TRPV4: variants seen among roughly 807,000 people sequenced by gnomAD.
The protein encoded by TRPV4 is OSM9-like transient receptor potential channel 4.
TRPV4 carries 58 observed loss-of-function variants against 84.1 expected under a neutral mutation model. The observed-to-expected ratio is 0.69, with a 90% CI of 0.56 to 0.86. TRPV4 has a LOEUF of 0.86. TRPV4 is among the 40% of genes least tolerant of loss of function. The pLI, the probability that TRPV4 is intolerant of heterozygous loss-of-function variation, is 0.00. For synonymous variants in TRPV4, 489 were observed against 500.9 expected, an observed-to-expected ratio of 0.98 and a Z score of 0.32; for missense variants, 879 against 1,181.1, an observed-to-expected ratio of 0.74 and a Z score of 3.75.
In TRPV4 at chr12:109,783,970, A is replaced by T. The variant is rs977678768; in HGVS notation, c.2459-192T>A. On this transcript the variant is annotated intron_variant, in intron 15 of 15. Coordinates refer to ENST00000261740, the MANE Select transcript of TRPV4 (RefSeq NM_021625.5). The surrounding 1 kb of genome is among the most constrained non-coding windows in gnomAD (Gnocchi z 4.6). ...CTCCCCAGGAGAGAATGGAGGAACC[A>T]GGATTCAAGCCTGGAGCCGAATGCC... 6.6e-6 allele frequency among the ~76,000 whole-genome samples: 1 copy of T among 152,210 alleles called. No homozygotes were observed. Among genetic ancestry groups the T allele is most frequent in the Non-Finnish European group, 1.5e-5 (1 of 68,048 alleles).
rs1253318160 is a variant in TRPV4 at position 109,786,809 on chromosome 12, C to T, written c.2237G>A (p.Arg746His). The change falls in exon 14 of 16, where the codon CGC (arginine) becomes CAC (histidine). Residue 746 changes from arginine to histidine, a missense_variant. Physicochemically the swap from Arg to His is conservative, Grantham distance 29. Transcript: ENST00000261740. The surrounding 1 kb of genome is among the most constrained non-coding windows in gnomAD (Gnocchi z 4.5). ...CTTCCTCAGGAATACGGGGAAGGAG[C>T]GCTCAATGTCCAGGATGGTGGTGGC... ...QWATTILDIE[R>H]SFPVFLRKAF... is the part of the protein sequence containing the mutation. 3 of 1,613,982 alleles carry T rather than the reference C, an allele frequency of 1.9e-6. No homozygotes were observed. The highest frequency in any genetic ancestry group is 2.2e-5 in the East Asian group (1 of 44,882).
chr12:109,797,210 G>A (rs1036978622), intron 6 of TRPV4, among the ~76,000 whole-genome samples: 2 of 152,084 alleles, frequency 1.3e-5, no homozygotes, highest in Non-Finnish European at 2.9e-5. Flanking sequence ...GGAGTGCAGT[G>A]GCGCGATCTC....
rs1211500283 is a variant in TRPV4, at chr12:109,798,700, G to A, written c.1066C>T (p.Leu356Phe). 4 of 1,613,994 alleles carry A rather than the reference G, an allele frequency of 2.5e-6. No individual in the cohort carries two copies. The highest frequency in any genetic ancestry group is 1.1e-5 in the South Asian group (1 of 91,078). Residue 356 changes from leucine (L) to phenylalanine (F), a missense_variant, in exon 6 of 16, where the codon CTC becomes TTC. Leu to Phe is a conservative substitution (Grantham distance 22). Coordinates refer to ENST00000261740, the MANE Select transcript of TRPV4 (RefSeq NM_021625.5). This position sits in a 1 kb window ranked among gnomAD's most constrained non-coding sequence, Gnocchi z 5.0. ...GCCTCCAGGTTGCTGTCGGGGAAGA[G>A]GCGGGCACACTTGAGCAGCAGCAGG... The part of the protein sequence containing the change: ...YDLLLLKCAR[L>F]FPDSNLEAVL...
rs764521991 is a variant in TRPV4, at chr12:109,783,609, G to T, written c.*12C>A. 28 of 1,611,142 alleles carry T rather than the reference G, an allele frequency of 1.7e-5. No individual in the cohort carries two copies. The highest frequency in any genetic ancestry group is 2.0e-5 in the Non-Finnish European group (24 of 1,178,150). ...ATGAGTGGGCAGAGAAGCTGGGGCT[G>T]GGCTGCAGTCCCTAGAGCGGGGCGT... is the stretch of plus-strand genomic sequence containing the variant. On this transcript the variant is annotated 3_prime_UTR_variant, in exon 16 of 16. Coordinates refer to ENST00000261740, the MANE Select transcript of TRPV4 (RefSeq NM_021625.5). The surrounding 1 kb of genome is among the most constrained non-coding windows in gnomAD (Gnocchi z 4.6).
rs764638106 is a variant in TRPV4 at position 109,808,497 on chromosome 12, G to C, written c.387-29C>G. 4 of 1,601,490 alleles carry C rather than the reference G, an allele frequency of 2.5e-6. No individual in the cohort carries two copies. In the African/African-American group the frequency reaches 5.4e-5, roughly 21 times the overall value. ...GAGGAGGTAGGGAGGCAAGTTGATG[G>C]GAGGGCTCATCCCCTGCCTGCCCCA... On this transcript the variant is annotated intron_variant, in intron 2 of 15. Transcript: ENST00000261740.
intron 1 of TRPV4, among the ~76,000 whole-genome samples, chr12:109,827,667 T>C (rs1403729035): frequency 1.3e-5 from 2 of 150,276 alleles, no homozygotes; most frequent in East Asian, 1.9e-4. Context: ...TACACACACA[T>C]ACACACATGC....
At chr12:109,794,147 C>T in intron 8 of TRPV4, 125 bp from the exon 9 acceptor site, 2 of 1,126,642 alleles carry the variant, frequency 1.8e-6, no homozygotes, top group Non-Finnish European at 2.6e-6. Flanking sequence ...CTCTCTTCCT[C>T]CTGAGTCTTC....
At chr12:109,791,916 G>A (rs1328977870) in intron 12 of TRPV4, among the ~76,000 whole-genome samples, 2 of 151,922 alleles carry the variant, frequency 1.3e-5, no homozygotes, top group African/African-American at 4.8e-5. Context: ...AACGTACTTA[G>A]TCTGGTGCCT....
rs1186445597 is a variant in TRPV4, at chr12:109,820,514, C to CTTTTT, written c.-31-5688_-31-5687insAAAAA. Among the ~76,000 whole-genome samples, 83 of 123,124 alleles carry CTTTTT rather than the reference C, an allele frequency of 6.7e-4. 1 individual carries two copies. The highest frequency in any genetic ancestry group is 8.3e-4 in the Non-Finnish European group (50 of 60,392). The allele number at this position is 123,124 out of a possible 152,430, so 80.8% of individuals were successfully genotyped here. ...CTGATCTTCACTTTCTTCAGCTGCC[C>CTTTTT]TATTTTTTTTTTTTTTTTTTTTTTT... On this transcript the variant is annotated intron_variant, in intron 1 of 15. Coordinates refer to ENST00000261740, the MANE Select transcript of TRPV4 (RefSeq NM_021625.5).
At chr12:109,799,311 G>A (rs1017289784) in intron 5 of TRPV4, among the ~76,000 whole-genome samples, 1 of 152,110 alleles carries the variant, frequency 6.6e-6, no homozygotes, top group Non-Finnish European at 1.5e-5. Flanking sequence ...ACCACACCTG[G>A]CTAATTTTTG....
chr12:109,794,984 C>T (rs1890302730), intron 7 of TRPV4, among the ~76,000 whole-genome samples: 1 of 152,212 alleles, frequency 6.6e-6, no homozygotes, highest in African/African-American at 2.4e-5. Context: ...CACTACTGCA[C>T]TCCAGCCTGG....
chr12:109,792,245 A>AG (rs1890089515), intron 12 of TRPV4, 118 bp downstream of exon 12: 1 of 236,040 alleles, frequency 4.2e-6, no homozygotes, highest in African/African-American at 2.5e-5. Context: ...CTCCACCTCA[A>AG]AAAAAAAAAA....
chr12:109,791,065 C>T (rs969643326), intron 12 of TRPV4, among the ~76,000 whole-genome samples: 1 of 152,198 alleles, frequency 6.6e-6, no homozygotes, highest in East Asian at 1.9e-4. Context: ...GCACAGCCAC[C>T]CAGCTGACCC....
chr12:109,791,623 T>C (rs1179637658), intron 12 of TRPV4, among the ~76,000 whole-genome samples: 2 of 150,662 alleles, frequency 1.3e-5, no homozygotes, highest in African/African-American at 2.4e-5. Context: ...GCTGGGTCTA[T>C]AGTTGCGCGC....
intron 14 of TRPV4, among the ~76,000 whole-genome samples, chr12:109,785,850 T>C (rs1001996729): frequency 4.6e-5 from 7 of 151,532 alleles, no homozygotes; most frequent in Admixed American, 6.6e-5. Flanking sequence ...CTGGGCAACA[T>C]AGCAAGAACC....
At chr12:109,829,225 A>C (rs1038093390) in intron 1 of TRPV4, among the ~76,000 whole-genome samples, 5 of 152,146 alleles carry the variant, frequency 3.3e-5, no homozygotes, top group African/African-American at 1.2e-4. Context: ...TGCTGGTTTT[A>C]AACTAAACAC....
At position 109,784,876 on chromosome 12, in the gene TRPV4, T is replaced by TGTGTGTGTGC. The variant is rs1324485549; in HGVS notation, c.2337-440_2337-439insGCACACACAC. Among the ~76,000 whole-genome samples, 203 of 148,130 alleles carry TGTGTGTGTGC rather than the reference T, an allele frequency of 1.4e-3. 3 individuals are homozygous for TGTGTGTGTGC. The highest frequency in any genetic ancestry group is 5.0e-3 in the African/African-American group (202 of 40,212). ...AAAAAAAGACGTGTGTGTGTGTGTG[T>TGTGTGTGTGC]GTGTGTGTGTGTATACACACACAAA... On this transcript the variant is annotated intron_variant, in intron 14 of 15. Transcript: ENST00000261740.
intron 1 of TRPV4, among the ~76,000 whole-genome samples, chr12:109,820,803 G>A (rs940453572): frequency 4.6e-5 from 7 of 152,192 alleles, no homozygotes; most frequent in African/African-American, 9.6e-5. Context: ...GATTATAGGC[G>A]TGAGCCACTA....
In TRPV4 at chr12:109,793,901, G is replaced by A; in HGVS notation, c.1584+29C>T. 1.3e-6 allele frequency: 2 copies of A among 1,537,654 alleles called. No homozygotes were observed. The highest frequency in any genetic ancestry group is 1.8e-6 in the Non-Finnish European group (2 of 1,119,210). On this transcript the variant is annotated intron_variant, in intron 9 of 15. Coordinates refer to ENST00000261740, the MANE Select transcript of TRPV4 (RefSeq NM_021625.5). This position sits in a 1 kb window ranked among gnomAD's most constrained non-coding sequence, Gnocchi z 4.0. ...AGGAAGAGAAGAGGAGGGCAGGCAG[G>A]GTGGGGGGCACGGGGGCCAGGCACT...
Sources: allele counts gnomAD v4.1 joint callset (sites outside exome capture counted in the v4.1 genomes callset), GRCh38; gene constraint gnomAD v4.1.1; non-coding constraint Gnocchi (gnomAD v3.1); transcripts MANE v1.5; gene names NCBI Gene and HGNC (gene_info 2026-07-23, HGNC 2026-07-21).